Variants in CBR3 observed in about 807,000 individuals in gnomAD.
The protein encoded by CBR3 is carbonyl reductase 3, also known as carbonyl reductase [NADPH] 3.
In CBR3, 14 loss-of-function variants were observed where a neutral mutation model predicts 11.6. That is an observed-to-expected ratio of 1.20 (90% CI 0.79 to 1.88). The LOEUF is 1.88. Ranked by LOEUF, CBR3 falls within the 40% of genes most tolerant of loss-of-function variation. The pLI is 0.00. For missense variants in CBR3, 308 were observed against 357.3 expected (o/e 0.86, Z 1.11); for synonymous variants, 125 against 145.6 (o/e 0.86, Z 1.02).
chr21:36,140,058 T>C (rs764285478), intron 2 of CBR3, among the ~76,000 whole-genome samples: 2 of 152,044 alleles, frequency 1.3e-5, no homozygotes, highest in South Asian at 4.1e-4. Context: ...AGCTAATTTT[T>C]TTGTATTTCT....
At chr21:36,143,135 T>C (rs2065726560) in intron 2 of CBR3, among the ~76,000 whole-genome samples, 1 of 151,976 alleles carries the variant, frequency 6.6e-6, no homozygotes, top group African/African-American at 2.4e-5. Context: ...TGAAACCCCA[T>C]CTCTCCTAAA....
intron 2 of CBR3, 74 bp from the exon 3 acceptor site, chr21:36,146,002 T>G: frequency 7.5e-6 from 6 of 801,488 alleles, no homozygotes; most frequent in Non-Finnish European, 1.0e-5. Flanking sequence ...GACTCAATCA[T>G]ATGTTTGGTA....
At chr21:36,139,004 C>T (rs2065686452) in intron 2 of CBR3, 1 of 152,090 alleles carries the variant, frequency 6.6e-6, no homozygotes, top group Non-Finnish European at 1.5e-5. Context: ...CTCTGCCTCC[C>T]AAAATGCTGG....
chr21:36,137,520 A>T (rs1359827187), intron 1 of CBR3: 2 of 48,956 alleles, frequency 4.1e-5, no homozygotes, highest in African/African-American at 4.8e-4. Flanking sequence ...GGAAGGAAGG[A>T]AGGAAGGAAG....
chr21:36,135,086 A>G lies in CBR3; in HGVS notation c.-107A>G. On this transcript the variant is annotated 5_prime_UTR_variant, in exon 1 of 3. Transcript: ENST00000290354. ...CTCGCAGCACTGGATCCCAGAACTT[A>G]GTCTGCGCGGCGGCATTGACACTAG... 8.9e-7 allele frequency: 1 copy of G among 1,127,366 alleles called. No homozygotes were observed. The highest frequency in any genetic ancestry group is 3.1e-4 in the Middle Eastern group (1 of 3,276). The allele number at this position is 1,127,366 out of a possible 1,614,324, so 69.8% of individuals were successfully genotyped here.
intron 2 of CBR3, among the ~76,000 whole-genome samples, chr21:36,139,284 G>A (rs1321292677): frequency 6.6e-6 from 1 of 152,070 alleles, no homozygotes; most frequent in African/African-American, 2.4e-5. Context: ...GCTGTGCTGG[G>A]GTACAGGGAA....
chr21:36,135,559 G>C lies in CBR3; in HGVS notation c.289+78G>C, dbSNP rs1042854016. Reference sequence around the variant, plus strand: ...GTGGCCAGCCGCAGGCTCCCCACCCGTCCACTTGAGTGACCGAGGAGGGTG... The same window carrying C: ...GTGGCCAGCCGCAGGCTCCCCACCCCTCCACTTGAGTGACCGAGGAGGGTG... On this transcript the variant is annotated intron_variant, in intron 1 of 2. Transcript: ENST00000290354. 4 of 1,339,414 alleles carry C rather than the reference G, an allele frequency of 3.0e-6. No homozygotes were observed. In the African/African-American group the frequency reaches 6.0e-5, roughly 20 times the overall value. 83.0% of individuals were successfully genotyped at this position (1,339,414 alleles called of 1,614,324 possible).
intron 2 of CBR3, among the ~76,000 whole-genome samples, chr21:36,140,179 G>A (rs1364675878): frequency 1.3e-5 from 2 of 151,984 alleles, no homozygotes; most frequent in South Asian, 2.1e-4. Context: ...TTGAGCCACC[G>A]CACTCAGACG....
At chr21:36,137,673 C>G in intron 1 of CBR3, 152 bp from the exon 2 acceptor site, 1 of 602,830 alleles carries the variant, frequency 1.7e-6, no homozygotes, top group Non-Finnish European at 2.9e-6. Flanking sequence ...CGGATGCAGA[C>G]TAAAGTTTGA....
At chr21:36,145,622 A>G (rs1182139706) in intron 2 of CBR3, among the ~76,000 whole-genome samples, 2 of 152,002 alleles carry the variant, frequency 1.3e-5, no homozygotes, top group Non-Finnish European at 2.9e-5. Context: ...TTACAGATAT[A>G]AGCCACAGCA....
rs1171696967 is a variant in CBR3, at chr21:36,137,884, G to A, written c.349G>A (p.Ala117Thr). The A allele has an allele frequency of 1.2e-6, 2 of 1,611,896 alleles. No homozygotes were observed. The highest frequency in any genetic ancestry group is 1.3e-5 in the African/African-American group (1 of 74,900). ...AEMTLKTNFF[A>T]TRNMCNELLP... ...GATGACACTGAAGACAAATTTTTTT[G>A]CCACTAGAAACATGTGCAACGAGTT... Residue 117 changes from alanine to threonine, a missense_variant, in exon 2 of 3, where the codon GCC becomes ACC. Transcript: ENST00000290354.
At chr21:36,136,602 G>T (rs573137910) in intron 1 of CBR3, among the ~76,000 whole-genome samples, 51 of 152,184 alleles carry the variant, frequency 3.4e-4, no homozygotes, top group African/African-American at 1.2e-3. Flanking sequence ...TAAATACCCG[G>T]CTTCCTGGAC....
chr21:36,135,699 G>A, intron 1 of CBR3: 5 of 509,550 alleles, frequency 9.8e-6, no homozygotes, highest in East Asian at 6.8e-5. Flanking sequence ...CCCGCCCGCC[G>A]GCCTGTGAGG....
intron 2 of CBR3, among the ~76,000 whole-genome samples, chr21:36,142,431 C>CAAAAAAAAAAAAAAAAAAAAAAAAAAAAA (rs71326645): frequency 2.5e-5 from 1 of 40,424 alleles, no homozygotes; most frequent in African/African-American, 1.1e-4. Context: ...GACTCCATCT[C>CAAAAAAAAAAAAAAAAAAAAAAAAAAAAA]AAAAAAAAAA....
intron 2 of CBR3, among the ~76,000 whole-genome samples, chr21:36,140,217 A>C (rs1299582193): frequency 6.6e-6 from 1 of 152,128 alleles, no homozygotes; most frequent in South Asian, 2.1e-4. Flanking sequence ...AAGAAGGTGA[A>C]TGGTGAGAGT....
At chr21:36,135,767 A>C (rs1042927492) in intron 1 of CBR3, among the ~76,000 whole-genome samples, 3 of 152,194 alleles carry the variant, frequency 2.0e-5, no homozygotes, top group African/African-American at 2.4e-5. Context: ...GTGCAGGAAA[A>C]CTGGCCTCCT....
chr21:36,136,612 C>A (rs1262944850), intron 1 of CBR3, among the ~76,000 whole-genome samples: 1 of 152,046 alleles, frequency 6.6e-6, no homozygotes, highest in Non-Finnish European at 1.5e-5. Context: ...GCTTCCTGGA[C>A]GACAGGCGGA....
At chr21:36,137,503 AAAGGAAGG>A (rs58466732) in intron 1 of CBR3, 8,873 of 188,890 alleles carry the variant, frequency 0.047, 243 homozygotes, top group South Asian at 0.052. Flanking sequence ...GAAAAGAAAG[AAAGGAAGG>A]AAGGAAGGAA....
intron 2 of CBR3, among the ~76,000 whole-genome samples, chr21:36,143,525 T>G (rs921992893): frequency 6.6e-6 from 1 of 152,098 alleles, no homozygotes; most frequent in African/African-American, 2.4e-5. Context: ...TGAATCATGA[T>G]CAACATGAAT....
Sources: gnomAD v4.1 joint callset for allele counts (sites outside exome capture counted in the v4.1 genomes callset) on GRCh38, gnomAD v4.1.1 for gene constraint, MANE v1.5 for transcripts, NCBI Gene and HGNC (gene_info 2026-07-23, HGNC 2026-07-21) for gene names.